The following EFNA5 variants were observed in gnomAD, a reference collection of about 807,000 sequenced individuals.
EFNA5 encodes ephrin-A5.
A neutral mutation model predicts 22.9 loss-of-function variants in EFNA5; 5 were observed. The ratio of observed to expected loss-of-function variants is 0.22; its 90% confidence interval spans 0.11 to 0.46. The LOEUF (loss-of-function observed/expected upper bound fraction) is 0.46, where lower values mean the gene tolerates loss of function less well. Among genes scored for constraint, EFNA5 ranks in the 20% least tolerant of loss-of-function variants. The probability of loss-of-function intolerance (pLI) is 0.99; values close to 1 mark genes in which losing one functional copy is unlikely to be tolerated. For missense variants in EFNA5, 237 were observed against 293.3 expected (o/e 0.81, Z 1.40); for synonymous variants, 113 against 112.2 (o/e 1.01, Z -0.04).
At chr5:107,526,181 C>T (rs1265855217) in intron 1 of EFNA5, among the ~76,000 whole-genome samples, 1 of 152,176 alleles carries the variant, frequency 6.6e-6, no homozygotes, top group African/African-American at 2.4e-5. Flanking sequence ...ACTGGCTCAC[C>T]ATGAGCCCTA....
intron 1 of EFNA5, among the ~76,000 whole-genome samples, chr5:107,434,564 T>C (rs1256924586): frequency 6.6e-6 from 1 of 152,256 alleles, no homozygotes; most frequent in Non-Finnish European, 1.5e-5. Context: ...ATTTAAAATG[T>C]TCTAAATTGG....
intron 1 of EFNA5, among the ~76,000 whole-genome samples, chr5:107,648,425 T>TA (rs1750668642): frequency 6.6e-6 from 1 of 152,200 alleles, no homozygotes; most frequent in South Asian, 2.1e-4. Context: ...TTCTACTTCT[T>TA]ACTTCCTTCC....
Position 107,381,061 on chromosome 5 carries a change from TGAGG to T in EFNA5, c.*190_*193del, listed in dbSNP as rs2112481930. On this transcript the variant is annotated 3_prime_UTR_variant, in exon 5 of 5. Transcript: ENST00000333274. ...GGGCTGGGGGTGGGGCGGGGTGGGG[TGAGG>T]GAGGCAGGAACAAGTTTAGGCCCCC... 1.4e-6 allele frequency: 1 copy of T among 706,616 alleles called. No homozygotes were observed. Among genetic ancestry groups the T allele is most frequent in the East Asian group, 2.8e-5 (1 of 35,196 alleles). The allele number at this position is 706,616 out of a possible 1,614,324, so 43.8% of individuals were successfully genotyped here. A position where few individuals can be genotyped will look rare whatever the true frequency, so the allele number is the denominator to read the frequency against.
chr5:107,386,651 C>T (rs575478703), intron 4 of EFNA5, among the ~76,000 whole-genome samples: 17 of 152,134 alleles, frequency 1.1e-4, no homozygotes, highest in South Asian at 2.1e-4. Context: ...AAGAGATGTG[C>T]GAATTTGTGG....
intron 1 of EFNA5, among the ~76,000 whole-genome samples, chr5:107,499,530 C>T (rs1747084646): frequency 6.6e-6 from 1 of 152,198 alleles, no homozygotes; most frequent in Admixed American, 6.5e-5. Context: ...CTAGGGCTGT[C>T]ATTGTTTTCT....
intron 2 of EFNA5, among the ~76,000 whole-genome samples, chr5:107,426,420 T>G (rs1748811493): frequency 6.6e-6 from 1 of 152,234 alleles, no homozygotes; most frequent in Non-Finnish European, 1.5e-5. Context: ...AGGCCCTGCC[T>G]TAAGACCTCC....
At chr5:107,523,259 A>C (rs1747631182) in intron 1 of EFNA5, among the ~76,000 whole-genome samples, 1 of 151,954 alleles carries the variant, frequency 6.6e-6, no homozygotes, top group South Asian at 2.1e-4. Flanking sequence ...AATAGCCATG[A>C]TATCATTCAG....
At chr5:107,602,566 T>G (rs6596742) in intron 1 of EFNA5, among the ~76,000 whole-genome samples, 1 of 152,110 alleles carries the variant, frequency 6.6e-6, no homozygotes, top group African/African-American at 2.4e-5. Flanking sequence ...TTCAGAGCCC[T>G]TATACTTTGT....
At chr5:107,665,704 T>C (rs1751051707) in intron 1 of EFNA5, among the ~76,000 whole-genome samples, 1 of 152,190 alleles carries the variant, frequency 6.6e-6, no homozygotes, top group Non-Finnish European at 1.5e-5. Context: ...ATTGTGAATA[T>C]ATAAAATAAT....
intron 4 of EFNA5, among the ~76,000 whole-genome samples, chr5:107,382,061 T>C (rs1401416337): frequency 6.6e-6 from 1 of 152,244 alleles, no homozygotes; most frequent in African/African-American, 2.4e-5. Flanking sequence ...ACTATTTTTA[T>C]TTTTATCGGG....
intron 4 of EFNA5, among the ~76,000 whole-genome samples, chr5:107,385,937 T>C (rs780284743): frequency 3.3e-5 from 5 of 152,124 alleles, no homozygotes; most frequent in Non-Finnish European, 5.9e-5. Context: ...GTGAGATGCC[T>C]GCCTTAGAAA....
chr5:107,442,953 A>C lies in EFNA5; in HGVS notation c.126-15444T>G, dbSNP rs765923948. Among the ~76,000 whole-genome samples, 971 of 137,468 alleles carry C rather than the reference A, an allele frequency of 7.1e-3. 3 individuals carry two copies. Among genetic ancestry groups the C allele is most frequent in the Non-Finnish European group, 0.012 (740 of 63,030 alleles). The allele number at this position is 137,468 out of a possible 152,430, so 90.2% of individuals were successfully genotyped here. ...CTAAAAAAAAAAAAAAAAAAAAAAA[A>C]CCCTGTGAATTATAAATATGTCTTA... is the stretch of plus-strand genomic sequence containing the variant. On this transcript the variant is annotated intron_variant, in intron 1 of 4. Coordinates refer to ENST00000333274, the MANE Select transcript of EFNA5 (RefSeq NM_001962.3).
intron 1 of EFNA5, among the ~76,000 whole-genome samples, chr5:107,539,566 C>T (rs1329909649): frequency 1.3e-5 from 2 of 152,200 alleles, no homozygotes; most frequent in African/African-American, 4.8e-5. Context: ...TCTAGCAACT[C>T]TCCTGTCTCA....
intron 1 of EFNA5, among the ~76,000 whole-genome samples, chr5:107,507,548 G>A (rs907995396): frequency 9.2e-5 from 14 of 152,012 alleles, no homozygotes; most frequent in African/African-American, 2.2e-4. Context: ...TATAAATAAC[G>A]GAAAATGGCA....
intron 1 of EFNA5, among the ~76,000 whole-genome samples, chr5:107,639,126 T>C (rs1412767228): frequency 6.6e-6 from 1 of 152,208 alleles, no homozygotes; most frequent in Non-Finnish European, 1.5e-5. Flanking sequence ...TTTAACATTT[T>C]CCCATTTTTC....
chr5:107,526,839 T>G (rs146543806), intron 1 of EFNA5, among the ~76,000 whole-genome samples: 393 of 152,270 alleles, frequency 2.6e-3, no homozygotes, highest in African/African-American at 9.1e-3. Flanking sequence ...AGTAATAAAA[T>G]AGCTTACAAT....
intron 1 of EFNA5, among the ~76,000 whole-genome samples, chr5:107,509,370 G>A (rs924376933): frequency 6.6e-6 from 1 of 150,852 alleles, no homozygotes; most frequent in African/African-American, 2.4e-5. Context: ...CCAGGCTGCA[G>A]TGCAATGGTG....
At chr5:107,491,105 T>C (rs1238951204) in intron 1 of EFNA5, among the ~76,000 whole-genome samples, 1 of 152,192 alleles carries the variant, frequency 6.6e-6, no homozygotes, top group Middle Eastern at 3.2e-3. Context: ...CAGAATTCCG[T>C]AATAAAATGT....
chr5:107,490,842 C>A (rs1319085963), intron 1 of EFNA5, among the ~76,000 whole-genome samples: 1 of 152,202 alleles, frequency 6.6e-6, no homozygotes, highest in Admixed American at 6.5e-5. Flanking sequence ...TACACATACT[C>A]TAACAGGACA....
Sources: allele counts gnomAD v4.1 joint callset (sites outside exome capture counted in the v4.1 genomes callset), GRCh38; gene constraint gnomAD v4.1.1; transcripts MANE v1.5; gene names NCBI Gene and HGNC (gene_info 2026-07-23, HGNC 2026-07-21).